Variants in DYM observed in about 807,000 individuals in gnomAD.
DYM encodes dyggve-Melchior-Clausen syndrome protein.
DYM carries 78 observed loss-of-function variants against 93.1 expected under a neutral mutation model. The ratio of observed to expected loss-of-function variants is 0.84; its 90% CI spans 0.70 to 1.01. DYM has a LOEUF of 1.01. Ranked by LOEUF, DYM falls within the 50% of genes least tolerant of loss-of-function variation. The pLI is 0.00. For missense variants in DYM, 789 were observed against 845.0 expected (o/e 0.93, Z 0.82); for synonymous variants, 321 against 319.7 (o/e 1.00, Z -0.04).
chr18:49,365,004 G>A (rs1249394765), intron 5 of DYM, among the ~76,000 whole-genome samples: 1 of 152,082 alleles, frequency 6.6e-6, no homozygotes, highest in South Asian at 2.1e-4. Context: ...TCTACAAGCA[G>A]GCAGGCCCCT....
chr18:49,211,246 T>C (rs1317545371), intron 13 of DYM, among the ~76,000 whole-genome samples: 1 of 152,134 alleles, frequency 6.6e-6, no homozygotes, highest in East Asian at 1.9e-4. Context: ...CGCTCCAAGA[T>C]TTTAAAGTGA....
chr18:49,299,014 G>A (rs1467968443), intron 8 of DYM, among the ~76,000 whole-genome samples: 1 of 152,166 alleles, frequency 6.6e-6, no homozygotes, highest in Non-Finnish European at 1.5e-5. Context: ...AAAGGGTGCT[G>A]TGAGCTCAGA....
chr18:49,301,641 T>C (rs1340536509), intron 8 of DYM, among the ~76,000 whole-genome samples: 1 of 152,048 alleles, frequency 6.6e-6, no homozygotes, highest in East Asian at 1.9e-4. Context: ...ATTTATGAAA[T>C]TGAAAAACTA....
intron 13 of DYM, among the ~76,000 whole-genome samples, chr18:49,245,858 G>A (rs9953947): frequency 0.03 from 4,538 of 152,146 alleles, 205 homozygotes; most frequent in African/African-American, 0.1. Flanking sequence ...CAACCCCGGC[G>A]GCCCAGCTGT....
rs1161841551 is a variant in DYM at position 49,042,115 on chromosome 18, G to C, written c.*1940C>G. 1.3e-5 allele frequency: 2 copies of C among 152,648 alleles called. No homozygotes were observed. Among genetic ancestry groups the C allele is most frequent in the Admixed American group, 1.3e-4 (2 of 15,278 alleles). 9.5% of individuals were successfully genotyped at this position (152,648 alleles called of 1,614,324 possible). On this transcript the variant is annotated 3_prime_UTR_variant, in exon 18 of 18. Transcript: ENST00000675505. Reference sequence around the variant, plus strand: ...AATCATCACTCCCCCTGCTGGCTGAGAGCGCTTCTCCTCCTTCAGACTGGC... The same window carrying C: ...AATCATCACTCCCCCTGCTGGCTGACAGCGCTTCTCCTCCTTCAGACTGGC...
chr18:49,359,087 G>A (rs2065809900), intron 6 of DYM, among the ~76,000 whole-genome samples: 1 of 152,080 alleles, frequency 6.6e-6, no homozygotes, highest in African/African-American at 2.4e-5. Flanking sequence ...CGAGCGCTGG[G>A]CTTTTACCTC....
chr18:49,074,302 T>G (rs1176281450), intron 17 of DYM, among the ~76,000 whole-genome samples: 1 of 152,228 alleles, frequency 6.6e-6, no homozygotes, highest in African/African-American at 2.4e-5. Context: ...TATATGGCAT[T>G]TACATTATAT....
At chr18:49,363,081 C>G in intron 6 of DYM, 80 bp downstream of exon 6, 1 of 1,181,778 alleles carries the variant, frequency 8.5e-7, no homozygotes, top group Non-Finnish European at 1.3e-6. Context: ...TACAAGGACC[C>G]ACAAACTTCT....
chr18:49,168,718 A>G (rs1452332499), intron 14 of DYM, among the ~76,000 whole-genome samples: 1 of 152,174 alleles, frequency 6.6e-6, no homozygotes. Flanking sequence ...AAAAATTTTT[A>G]CAATACTGAA....
chr18:49,095,447 G>GTTTTTTT (rs202172264), intron 17 of DYM, among the ~76,000 whole-genome samples: 4 of 142,480 alleles, frequency 2.8e-5, no homozygotes, highest in East Asian at 2.0e-4. Context: ...TGGTGATAGT[G>GTTTTTTT]TTTTTTTTTT....
chr18:49,191,592 A>T (rs754960196), intron 14 of DYM, among the ~76,000 whole-genome samples: 1 of 152,180 alleles, frequency 6.6e-6, no homozygotes, highest in Non-Finnish European at 1.5e-5. Flanking sequence ...AAAGAATTTA[A>T]ATGACCAAGA....
intron 2 of DYM, among the ~76,000 whole-genome samples, chr18:49,403,700 G>A (rs2071112657): frequency 6.6e-6 from 1 of 152,076 alleles, no homozygotes; most frequent in African/African-American, 2.4e-5. Flanking sequence ...CTCAGGTAAT[G>A]AGCAAAGTAC....
chr18:49,090,118 G>C (rs1049914898), intron 17 of DYM, among the ~76,000 whole-genome samples: 9 of 152,162 alleles, frequency 5.9e-5, no homozygotes, highest in Admixed American at 5.9e-4. Flanking sequence ...AGCAGTTTCC[G>C]GATCCATTTA....
At chr18:49,167,943 T>C (rs997168868) in intron 14 of DYM, among the ~76,000 whole-genome samples, 5 of 152,146 alleles carry the variant, frequency 3.3e-5, no homozygotes, top group East Asian at 1.9e-4. Flanking sequence ...CAAGGAAATA[T>C]TATACAGCAA....
intron 15 of DYM, among the ~76,000 whole-genome samples, chr18:49,126,690 AT>A (rs1368135066): frequency 2.6e-5 from 4 of 152,286 alleles, no homozygotes; most frequent in African/African-American, 9.6e-5. Flanking sequence ...ATGAGGCAGC[AT>A]TTGTAAAGTC....
At chr18:49,252,742 G>A (rs1427212859) in intron 13 of DYM, among the ~76,000 whole-genome samples, 1 of 152,204 alleles carries the variant, frequency 6.6e-6, no homozygotes, top group Non-Finnish European at 1.5e-5. Context: ...GAAGCCAGAG[G>A]AAACAGCCAG....
At chr18:49,062,872 G>A (rs958904322) in intron 17 of DYM, among the ~76,000 whole-genome samples, 3 of 152,172 alleles carry the variant, frequency 2.0e-5, no homozygotes, top group Non-Finnish European at 2.9e-5. Context: ...TGAAAATGAG[G>A]GTGGAAATGG....
At chr18:49,174,171 T>C (rs116997690) in intron 14 of DYM, among the ~76,000 whole-genome samples, 1 of 152,250 alleles carries the variant, frequency 6.6e-6, no homozygotes, top group East Asian at 1.9e-4. Flanking sequence ...GATTATGGCA[T>C]GTTAAACCAG....
intron 16 of DYM, among the ~76,000 whole-genome samples, chr18:49,100,920 A>C (rs919321569): frequency 1.3e-5 from 2 of 152,218 alleles, no homozygotes; most frequent in Admixed American, 1.3e-4. Context: ...GCATTAGCTT[A>C]GTTTTTCAAA....
Sources: allele counts gnomAD v4.1 joint callset (sites outside exome capture counted in the v4.1 genomes callset), GRCh38; gene constraint gnomAD v4.1.1; transcripts MANE v1.5; gene names NCBI Gene and HGNC (gene_info 2026-07-23, HGNC 2026-07-21).